TNIP1: variants seen among roughly 807,000 people sequenced by gnomAD.
The protein encoded by TNIP1 is TNFAIP3 interacting protein 1, also known as TNFAIP3-interacting protein 1.
In TNIP1, 22 loss-of-function variants were observed where a neutral mutation model predicts 86.6. That is an observed-to-expected ratio of 0.25 (90% CI 0.18 to 0.36). The LOEUF is 0.36. Ranked by LOEUF, TNIP1 falls within the 10% of genes least tolerant of loss-of-function variation. The pLI, the probability that TNIP1 is intolerant of heterozygous loss-of-function variation, is 1.00. For missense variants in TNIP1, 709 were observed against 820.6 expected (o/e 0.86, Z 1.66); for synonymous variants, 294 against 313.0 (o/e 0.94, Z 0.64).
At chr5:151,055,570 C>A (rs902866674) in intron 6 of TNIP1, among the ~76,000 whole-genome samples, 2 of 152,348 alleles carry the variant, frequency 1.3e-5, no homozygotes, top group Middle Eastern at 3.4e-3. Flanking sequence ...TTCAGCCTCA[C>A]CTCCCAACAC....
In TNIP1 at chr5:151,035,148, C is replaced by A. The variant is rs2233304; in HGVS notation, c.1522-81G>T. The A allele has an allele frequency of 8.7e-3, 12,822 of 1,475,766 alleles. 82 individuals carry two copies. Among genetic ancestry groups the A allele is most frequent in the Middle Eastern group, 0.018 (93 of 5,308 alleles). 91.4% of individuals were successfully genotyped at this position (1,475,766 alleles called of 1,614,324 possible). A position where few individuals can be genotyped will look rare whatever the true frequency, so the allele number is the denominator to read the frequency against. The stretch of plus-strand genomic sequence containing the variant: ...CCTGGATCCAGGGCCTAACCAGCCA[C>A]GAGGACTGACCGGCTGATGCTTCCC... On this transcript the variant is annotated intron_variant, in intron 14 of 17. Transcript: ENST00000521591.
intron 10 of TNIP1, 66 bp downstream of exon 10, chr5:151,042,830 T>C (rs992977200): frequency 3.1e-6 from 5 of 1,609,426 alleles, no homozygotes; most frequent in African/African-American, 1.3e-5. Flanking sequence ...GGTTCAAAGC[T>C]GCTAAAGAGG....
In TNIP1 at chr5:151,032,402, T is replaced by C. The variant is rs1042148288; in HGVS notation, c.1780-19A>G. On this transcript the variant is annotated intron_variant, in intron 16 of 17. Transcript: ENST00000521591. ...ATTCCGGCTGCGACAAAACTGGTGC[T>C]TAATAATCAATAATCACACCCAAAA... The C allele has an allele frequency of 6.2e-7, 1 of 1,612,932 alleles. No homozygotes were observed. The highest frequency in any genetic ancestry group is 1.3e-5 in the African/African-American group (1 of 74,898).
Position 151,074,002 on chromosome 5 carries a change from A to T in TNIP1, c.-37+6878T>A, listed in dbSNP as rs1035699933. On this transcript the variant is annotated intron_variant, in intron 1 of 17. Transcript: ENST00000521591. ...AGGACCTCGGTAAGGAACTAAAACC[A>T]AAAGAAACTTTTATTTTACCTATGC... Among the ~76,000 whole-genome samples the T allele has an allele frequency of 3.2e-4, 48 of 152,228 alleles. 1 individual carries two copies. The highest frequency in any genetic ancestry group is 1.5e-4 in the Non-Finnish European group (10 of 68,040).
At chr5:151,069,986 A>G (rs1356268789) in intron 1 of TNIP1, among the ~76,000 whole-genome samples, 1 of 152,190 alleles carries the variant, frequency 6.6e-6, no homozygotes, top group African/African-American at 2.4e-5. Flanking sequence ...CACACAGGGA[A>G]AGTGCTCAAG....
intron 8 of TNIP1, among the ~76,000 whole-genome samples, chr5:151,048,329 G>A (rs1161129632): frequency 6.6e-6 from 1 of 152,182 alleles, no homozygotes; most frequent in Non-Finnish European, 1.5e-5. Context: ...CACTGTTTAC[G>A]ACGCTAAACC....
chr5:151,037,130 A>G, intron 12 of TNIP1: 1 of 523,940 alleles, frequency 1.9e-6, no homozygotes, highest in Non-Finnish European at 3.0e-6. Flanking sequence ...TGAAGAAAAG[A>G]CTATGATCAT....
intron 16 of TNIP1, 61 bp from the exon 17 acceptor site, chr5:151,032,444 C>A: frequency 6.7e-7 from 1 of 1,488,740 alleles, no homozygotes; most frequent in South Asian, 1.2e-5. Context: ...ATAGCACCTA[C>A]TGTGCCAGGA....
In TNIP1 at chr5:151,030,530, TG is replaced by T; in HGVS notation, c.*182del. 2.2e-6 allele frequency: 2 copies of T among 893,022 alleles called. No individual in the cohort carries two copies. The highest frequency in any genetic ancestry group is 3.4e-6 in the Non-Finnish European group (2 of 587,990). 55.3% of individuals were successfully genotyped at this position (893,022 alleles called of 1,614,324 possible). On this transcript the variant is annotated 3_prime_UTR_variant, in exon 18 of 18. Transcript: ENST00000521591. ...AGAGTACAAATGAAAGCCTTCTGGGTGGAGCCTCCCCAGTCCTGTAAACAGC... is the reference window on the plus strand; with the variant it reads ...AGAGTACAAATGAAAGCCTTCTGGGTGAGCCTCCCCAGTCCTGTAAACAGC...
chr5:151,042,090 G>A (rs904348670), intron 11 of TNIP1, among the ~76,000 whole-genome samples: 5 of 152,014 alleles, frequency 3.3e-5, no homozygotes, highest in Admixed American at 1.3e-4. Context: ...ACAGGTGCCT[G>A]CTGCCACACC....
chr5:151,038,999 C>T, intron 12 of TNIP1, 98 bp downstream of exon 12: 1 of 1,478,750 alleles, frequency 6.8e-7, no homozygotes, highest in Admixed American at 2.3e-5. Context: ...TGGGGGTTAC[C>T]CTTCCTAAGC....
intron 1 of TNIP1, among the ~76,000 whole-genome samples, chr5:151,067,781 C>G (rs1048085317): frequency 6.6e-6 from 1 of 152,282 alleles, no homozygotes; most frequent in African/African-American, 2.4e-5. Context: ...TGACCCCGAC[C>G]CCGCCTCCTG....
At chr5:151,058,162 C>A (rs1249388352) in intron 5 of TNIP1, among the ~76,000 whole-genome samples, 2 of 152,194 alleles carry the variant, frequency 1.3e-5, no homozygotes, top group Admixed American at 1.3e-4. Flanking sequence ...CTCAGGTGAT[C>A]CACCCACCTC....
intron 3 of TNIP1, among the ~76,000 whole-genome samples, chr5:151,062,810 G>A (rs1212399061): frequency 6.6e-6 from 1 of 152,212 alleles, no homozygotes; most frequent in Non-Finnish European, 1.5e-5. Flanking sequence ...CCCACTGACT[G>A]CAGCACAGTG....
chr5:151,034,625 T>C, intron 15 of TNIP1: 1 of 319,986 alleles, frequency 3.1e-6, no homozygotes, highest in Non-Finnish European at 5.8e-6. Flanking sequence ...GGCTGGTACA[T>C]GGGCATGGAA....
At chr5:151,065,232 A>C (rs1762088482) in intron 1 of TNIP1, 101 bp from the exon 2 acceptor site, 4 of 1,007,462 alleles carry the variant, frequency 4.0e-6, no homozygotes, top group Middle Eastern at 3.2e-4. Flanking sequence ...GCAGTCCCCC[A>C]CTTTAAGCTG....
intron 1 of TNIP1, among the ~76,000 whole-genome samples, chr5:151,074,754 A>G (rs1229831107): frequency 1.3e-5 from 2 of 152,246 alleles, no homozygotes; most frequent in Non-Finnish European, 2.9e-5. Flanking sequence ...ACTATACAGC[A>G]GTGAAAAAAG....
chr5:151,072,513 T>C (rs775282391), intron 1 of TNIP1, among the ~76,000 whole-genome samples: 2 of 152,220 alleles, frequency 1.3e-5, no homozygotes, highest in African/African-American at 4.8e-5. Context: ...CTGGCTACAG[T>C]TAGGCTGCTC....
rs960467456 is a variant in TNIP1, at chr5:151,042,820, G to A, written c.1002+76C>T. ...GGGGCTCAGCGTGGCCACTCCCCAA[G>A]GTTCAAAGCTGCTAAAGAGGCAGCG... On this transcript the variant is annotated intron_variant, in intron 10 of 17. Coordinates refer to ENST00000521591, the MANE Select transcript of TNIP1 (RefSeq NM_006058.5). 6.2e-6 allele frequency: 10 copies of A among 1,606,934 alleles called. No homozygotes were observed. In the Admixed American group the frequency reaches 1.2e-4, roughly 19 times the overall value.
Sources: allele counts gnomAD v4.1 joint callset (sites outside exome capture counted in the v4.1 genomes callset), GRCh38; gene constraint gnomAD v4.1.1; transcripts MANE v1.5; gene names NCBI Gene and HGNC (gene_info 2026-07-23, HGNC 2026-07-21).